MTUS2: variants seen among roughly 807,000 people sequenced by gnomAD.
MTUS2 encodes the protein microtubule-associated tumor suppressor candidate 2.
A neutral mutation model predicts 114.1 loss-of-function variants in MTUS2; 40 were observed. The observed-to-expected ratio is 0.35, with a 90% CI of 0.27 to 0.46. MTUS2 has a LOEUF of 0.46. Among genes scored for constraint, MTUS2 ranks in the 20% least tolerant of loss-of-function variants. The pLI is 1.00. For missense variants in MTUS2, 1,679 were observed against 1,705.4 expected (o/e 0.98, Z 0.27); for synonymous variants, 688 against 672.0 (o/e 1.02, Z -0.37).
At chr13:28,910,705 A>T (rs1880363311) in intron 2 of MTUS2, among the ~76,000 whole-genome samples, 1 of 152,140 alleles carries the variant, frequency 6.6e-6, no homozygotes, top group Non-Finnish European at 1.5e-5. Flanking sequence ...TGCAAAGGAC[A>T]TGATCTCATT....
At chr13:29,255,954 C>G (rs981530374) in intron 5 of MTUS2, among the ~76,000 whole-genome samples, 1 of 152,186 alleles carries the variant, frequency 6.6e-6, no homozygotes, top group African/African-American at 2.4e-5. Context: ...TCAAATGACT[C>G]AGCCTTGGTG....
intron 8 of MTUS2, among the ~76,000 whole-genome samples, chr13:29,433,088 T>G (rs1042649401): frequency 2.0e-5 from 3 of 152,228 alleles, no homozygotes; most frequent in Admixed American, 6.5e-5. Flanking sequence ...CATGACTTCT[T>G]TGGATCAGCA....
chr13:28,889,616 C>T (rs995666785), intron 2 of MTUS2, among the ~76,000 whole-genome samples: 1 of 152,078 alleles, frequency 6.6e-6, no homozygotes, highest in African/African-American at 2.4e-5. Context: ...ATGACGCATG[C>T]TGAAATATGC....
chr13:29,104,867 T>C (rs1178113868), intron 5 of MTUS2, among the ~76,000 whole-genome samples: 2 of 152,200 alleles, frequency 1.3e-5, no homozygotes, highest in African/African-American at 4.8e-5. Context: ...TTAGTTCTTT[T>C]ATAATGTTCA....
intron 6 of MTUS2, among the ~76,000 whole-genome samples, chr13:29,304,984 CACTTAAA>C (rs1899377795): frequency 6.6e-6 from 1 of 152,078 alleles, no homozygotes; most frequent in Non-Finnish European, 1.5e-5. Flanking sequence ...TTAAGAAACT[CACTTAAA>C]ACTTAAAAAC....
At chr13:29,389,518 T>TATGTATACAC (rs1566173362) in intron 8 of MTUS2, among the ~76,000 whole-genome samples, 1 of 56,144 alleles carries the variant, frequency 1.8e-5, no homozygotes, top group African/African-American at 4.4e-5. Context: ...CGTGTGTGTA[T>TATGTATACAC]GTGTATATAT....
intron 7 of MTUS2, among the ~76,000 whole-genome samples, chr13:29,343,044 T>C (rs1901479508): frequency 6.6e-6 from 1 of 151,962 alleles, no homozygotes; most frequent in African/African-American, 2.4e-5. Flanking sequence ...TTTTATATGC[T>C]GTTGGATTCC....
At chr13:29,408,608 A>C (rs1176258415) in intron 8 of MTUS2, among the ~76,000 whole-genome samples, 3 of 152,170 alleles carry the variant, frequency 2.0e-5, no homozygotes, top group African/African-American at 7.2e-5. Flanking sequence ...GTGAGCCACA[A>C]AACCTAGCCC....
At chr13:29,088,251 C>G (rs1357461762) in intron 4 of MTUS2, among the ~76,000 whole-genome samples, 1 of 150,854 alleles carries the variant, frequency 6.6e-6, no homozygotes, top group East Asian at 1.9e-4. Context: ...CATTCAAGAG[C>G]AAGTTGTTTA....
At chr13:29,481,117 T>C (rs1159221309) in intron 10 of MTUS2, among the ~76,000 whole-genome samples, 1 of 152,200 alleles carries the variant, frequency 6.6e-6, no homozygotes, top group African/African-American at 2.4e-5. Context: ...CCTGGATCCA[T>C]GCCTGGCAGA....
chr13:29,066,444 T>A (rs1312779199), intron 4 of MTUS2, among the ~76,000 whole-genome samples: 3 of 152,214 alleles, frequency 2.0e-5, no homozygotes, highest in Non-Finnish European at 4.4e-5. Context: ...GATTAGGTCC[T>A]GAGATGTTTT....
chr13:29,306,932 C>A (rs2989383), intron 6 of MTUS2: 70,667 of 539,366 alleles, frequency 0.13, 5,593 homozygotes, highest in Non-Finnish European at 0.16. Context: ...TATGGTTCTA[C>A]CCATGGCAAA....
Position 29,065,495 on chromosome 13 carries a change from A to C in MTUS2, c.2446+31370A>C, listed in dbSNP as rs183701652. Among the ~76,000 whole-genome samples the C allele has an allele frequency of 8.2e-4, 125 of 151,948 alleles. 1 individual carries two copies. Among genetic ancestry groups the C allele is most frequent in the Middle Eastern group, 3.4e-3 (1 of 294 alleles). On this transcript the variant is annotated intron_variant, in intron 4 of 15. Coordinates refer to ENST00000612955, the MANE Select transcript of MTUS2 (RefSeq NM_001033602.4). ...TGGGGTTGTTTGTTGTTTTCTTATC[A>C]ATTTGTTTCAGTTCCTTATAGATGC...
chr13:28,856,823 T>A (rs952203492), intron 2 of MTUS2, among the ~76,000 whole-genome samples: 6 of 152,248 alleles, frequency 3.9e-5, no homozygotes, highest in Admixed American at 1.3e-4. Flanking sequence ...CGCATCTTTG[T>A]TTGCTTTTTG....
chr13:29,435,309 C>T (rs1270104465), intron 8 of MTUS2, among the ~76,000 whole-genome samples: 2 of 152,096 alleles, frequency 1.3e-5, no homozygotes, highest in Non-Finnish European at 2.9e-5. Context: ...TATTTTTAGC[C>T]CTCTTGAGTG....
At chr13:29,015,686 A>G (rs184718598) in intron 2 of MTUS2, among the ~76,000 whole-genome samples, 2 of 152,330 alleles carry the variant, frequency 1.3e-5, no homozygotes, top group Admixed American at 1.3e-4. Flanking sequence ...AAGACAACCT[A>G]AACTCTAACA....
At chr13:29,167,103 G>T (rs981921615) in intron 5 of MTUS2, among the ~76,000 whole-genome samples, 8 of 152,220 alleles carry the variant, frequency 5.3e-5, no homozygotes, top group Non-Finnish European at 1.5e-5. Flanking sequence ...GGCTGGGCAC[G>T]GTGGCTCACG....
intron 2 of MTUS2, among the ~76,000 whole-genome samples, chr13:28,999,030 T>C (rs535145102): frequency 1.0e-3 from 154 of 152,312 alleles, no homozygotes; most frequent in African/African-American, 3.5e-3. Context: ...TTTATCTACC[T>C]TTGGTCTTTG....
At chr13:29,218,150 C>A (rs759531286) in intron 5 of MTUS2, among the ~76,000 whole-genome samples, 29 of 145,508 alleles carry the variant, frequency 2.0e-4, no homozygotes, top group South Asian at 2.2e-4. Flanking sequence ...CAAAACAAAA[C>A]AAAAAAAAAA....
Sources: gnomAD v4.1 joint callset for allele counts (sites outside exome capture counted in the v4.1 genomes callset) on GRCh38, gnomAD v4.1.1 for gene constraint, MANE v1.5 for transcripts, NCBI Gene and HGNC (gene_info 2026-07-23, HGNC 2026-07-21) for gene names.